The following TPO variants were observed in gnomAD, a reference collection of about 807,000 sequenced individuals.
TPO encodes the protein thyroid microsomal antigen.
In TPO, 78 loss-of-function variants were observed where a neutral mutation model predicts 96.9. The ratio of observed to expected loss-of-function variants is 0.81; its 90% CI spans 0.67 to 0.97. TPO has a LOEUF of 0.97. TPO is among the 50% of genes least tolerant of loss of function. The probability of loss-of-function intolerance (pLI) is 0.00; values close to 1 mark genes in which losing one functional copy is unlikely to be tolerated. For missense variants in TPO, 1,252 were observed against 1,274.8 expected, an observed-to-expected ratio of 0.98 and a Z score of 0.27; for synonymous variants, 547 against 538.0, an observed-to-expected ratio of 1.02 and a Z score of -0.23.
intron 5 of TPO, among the ~76,000 whole-genome samples, chr2:1,447,048 A>G (rs1197923065): frequency 2.0e-5 from 3 of 152,062 alleles, no homozygotes; most frequent in Non-Finnish European, 4.4e-5. Flanking sequence ...AAGTCTTGCG[A>G]TCATCTGAAT....
At chr2:1,500,688 C>T (rs886460551) in intron 13 of TPO, among the ~76,000 whole-genome samples, 5 of 152,110 alleles carry the variant, frequency 3.3e-5, no homozygotes, top group Non-Finnish European at 7.4e-5. Context: ...ATATTAAGGC[C>T]GGGCGTGGTG....
intron 15 of TPO, among the ~76,000 whole-genome samples, chr2:1,533,997 CTG>C (rs1402047239): frequency 4.6e-4 from 42 of 91,610 alleles, no homozygotes; most frequent in Middle Eastern, 6.3e-3. Flanking sequence ...CCCCATCACT[CTG>C]TGTAATCTCC....
At chr2:1,442,856 T>TG (rs1666328051) in intron 5 of TPO, among the ~76,000 whole-genome samples, 1 of 152,244 alleles carries the variant, frequency 6.6e-6, no homozygotes, top group South Asian at 2.1e-4. Flanking sequence ...TGATTGATTA[T>TG]GTAAATAATG....
At chr2:1,450,543 A>G (rs1380921452) in intron 5 of TPO, among the ~76,000 whole-genome samples, 1 of 152,238 alleles carries the variant, frequency 6.6e-6, no homozygotes, top group African/African-American at 2.4e-5. Flanking sequence ...AGAAAGGAAC[A>G]GTGTGGTACA....
intron 5 of TPO, among the ~76,000 whole-genome samples, chr2:1,449,478 T>C (rs1341651392): frequency 6.6e-6 from 1 of 152,202 alleles, no homozygotes; most frequent in Non-Finnish European, 1.5e-5. Context: ...TGAAGCTCCT[T>C]GACACAATCG....
At chr2:1,512,748 G>A (rs908619209) in intron 14 of TPO, among the ~76,000 whole-genome samples, 6 of 152,104 alleles carry the variant, frequency 3.9e-5, no homozygotes, top group South Asian at 2.1e-4. Context: ...GATGGTGGAC[G>A]ATGGTGGACA....
intron 1 of TPO, among the ~76,000 whole-genome samples, chr2:1,389,961 G>GT (rs1661971318): frequency 6.6e-6 from 1 of 150,536 alleles, no homozygotes; most frequent in East Asian, 1.9e-4. Flanking sequence ...ACCACGCCTG[G>GT]TTTTTTACTG....
chr2:1,512,421 G>A, intron 14 of TPO: 1 of 985,458 alleles, frequency 1.0e-6, no homozygotes, highest in Non-Finnish European at 1.2e-6. Flanking sequence ...GTCCGAGAGA[G>A]CCCCTGAGCC....
At chr2:1,523,905 C>A (rs1675795674) in intron 15 of TPO, among the ~76,000 whole-genome samples, 1 of 104,312 alleles carries the variant, frequency 9.6e-6, no homozygotes, top group Non-Finnish European at 1.8e-5. Flanking sequence ...ATCCCCCCAA[C>A]TGTAATCAAC....
chr2:1,454,713 C>A (rs1395760067), intron 6 of TPO, among the ~76,000 whole-genome samples: 2 of 152,168 alleles, frequency 1.3e-5, no homozygotes, highest in Non-Finnish European at 1.5e-5. Context: ...ACTGTCTTAC[C>A]CACCTTATGC....
intron 5 of TPO, 86 bp from the exon 6 acceptor site, chr2:1,453,608 C>T (rs1667513635): frequency 6.2e-7 from 1 of 1,606,224 alleles, no homozygotes; most frequent in East Asian, 2.2e-5. Context: ...CTTATTCTCC[C>T]TGAGAATGGT....
intron 16 of TPO, 65 bp downstream of exon 16, chr2:1,540,788 G>T: frequency 6.2e-7 from 1 of 1,612,492 alleles, no homozygotes; most frequent in Non-Finnish European, 8.5e-7. Flanking sequence ...TCTGGGTGTC[G>T]GAGCAGCTCT....
chr2:1,456,461 T>C (rs954190292), intron 7 of TPO, among the ~76,000 whole-genome samples, 179 bp downstream of exon 7: 1 of 152,248 alleles, frequency 6.6e-6, no homozygotes, highest in Non-Finnish European at 1.5e-5. Flanking sequence ...ATATATAGCA[T>C]GTATGATAGT....
upstream of TPO, among the ~76,000 whole-genome samples, chr2:1,409,687 T>G (rs1558249851): frequency 6.6e-6 from 1 of 152,176 alleles, no homozygotes; most frequent in South Asian, 2.1e-4. Context: ...CCTGGCACTG[T>G]GCAGCCCACG....
chr2:1,391,923 G>A (rs1453299206), intron 1 of TPO, among the ~76,000 whole-genome samples: 3 of 152,158 alleles, frequency 2.0e-5, no homozygotes, highest in Non-Finnish European at 2.9e-5. Flanking sequence ...GGGCTGAGAC[G>A]ATGGGGTTTT....
rs78737624 is a variant in TPO at position 1,525,085 on chromosome 2, CCTA to C, written c.2618+8106_2618+8108del. Among the ~76,000 whole-genome samples, 814 of 124,566 alleles carry C rather than the reference CCTA, an allele frequency of 6.5e-3. 37 individuals carry two copies. The highest frequency in any genetic ancestry group is 0.064 in the East Asian group (240 of 3,746). The allele number at this position is 124,566 out of a possible 152,430, so 81.7% of individuals were successfully genotyped here. A position where few individuals can be genotyped will look rare whatever the true frequency, so the allele number is the denominator to read the frequency against. ...ACTGTGTGCAACCCCCCCAAATCCC[CCTA>C]CTGTGTGCAACCTGCTCAAATCCCC... On this transcript the variant is annotated intron_variant, in intron 15 of 16. Coordinates refer to ENST00000329066, the MANE Select transcript of TPO (RefSeq NM_001206744.2).
intron 2 of TPO, among the ~76,000 whole-genome samples, chr2:1,414,994 G>C (rs1662747891): frequency 6.8e-6 from 1 of 147,574 alleles, no homozygotes; most frequent in Admixed American, 6.6e-5. Context: ...ATACTGCAGG[G>C]GCATTTGCCT....
rs572684809 is a variant in TPO, at chr2:1,448,092, G to T, written c.483-5602G>T. ...TCCTGCCTGACAGCACAGGGGTCTT[G>T]CCTGGCCTGGGAGGAGCCGGGATTG... On this transcript the variant is annotated intron_variant, in intron 5 of 16. Coordinates refer to ENST00000329066, the MANE Select transcript of TPO (RefSeq NM_001206744.2). Among the ~76,000 whole-genome samples, 733 of 152,300 alleles carry T rather than the reference G, an allele frequency of 4.8e-3. 3 individuals carry two copies. The highest frequency in any genetic ancestry group is 0.017 in the African/African-American group (693 of 41,574).
At chr2:1,487,401 C>G (rs1333629666) in intron 9 of TPO, among the ~76,000 whole-genome samples, 1 of 152,136 alleles carries the variant, frequency 6.6e-6, no homozygotes, top group African/African-American at 2.4e-5. Flanking sequence ...ATCACACAAG[C>G]TGAATTCATG....
Sources: allele counts gnomAD v4.1 joint callset (sites outside exome capture counted in the v4.1 genomes callset), GRCh38; gene constraint gnomAD v4.1.1; transcripts MANE v1.5; gene names NCBI Gene and HGNC (gene_info 2026-07-23, HGNC 2026-07-21).